Variants in NEK5 observed in about 807,000 individuals in gnomAD.
NEK5 encodes serine/threonine-protein kinase Nek5.
NEK5 carries 88 observed loss-of-function variants against 109.2 expected under a neutral mutation model. That is an observed-to-expected ratio of 0.81 (90% CI 0.68 to 0.96). NEK5 has a LOEUF of 0.96. Among genes scored for constraint, NEK5 ranks in the 40% least tolerant of loss-of-function variants. The pLI is 0.00. For missense variants in NEK5, 834 were observed against 920.7 expected, an observed-to-expected ratio of 0.91 and a Z score of 1.22; for synonymous variants, 283 against 299.9, an observed-to-expected ratio of 0.94 and a Z score of 0.58.
At chr13:52,066,803 C>CAA (rs60602057) in intron 20 of NEK5, among the ~76,000 whole-genome samples, 31 of 110,314 alleles carry the variant, frequency 2.8e-4, no homozygotes, top group Non-Finnish European at 3.8e-4. Context: ...GACGCTGTCT[C>CAA]AAAAAAAAAA....
chr13:52,113,973 A>C (rs1416857511), intron 4 of NEK5, among the ~76,000 whole-genome samples: 1 of 152,236 alleles, frequency 6.6e-6, no homozygotes, highest in Non-Finnish European at 1.5e-5. Context: ...CCCAGCCTCC[A>C]GAACTGCCAG....
intron 4 of NEK5, among the ~76,000 whole-genome samples, chr13:52,115,835 T>C (rs1037342207): frequency 4.6e-5 from 7 of 152,112 alleles, no homozygotes; most frequent in East Asian, 1.9e-4. Context: ...AATTCCAACA[T>C]TTATTAAACA....
At chr13:52,091,403 T>C (rs945002037) in intron 13 of NEK5, among the ~76,000 whole-genome samples, 5 of 152,160 alleles carry the variant, frequency 3.3e-5, no homozygotes, top group African/African-American at 4.8e-5. Flanking sequence ...CTTTTGATAA[T>C]TGTGGAGATA....
intron 23 of NEK5, among the ~76,000 whole-genome samples, chr13:52,037,696 G>A (rs1954373499): frequency 6.6e-6 from 1 of 152,186 alleles, no homozygotes; most frequent in Non-Finnish European, 1.5e-5. Context: ...GGCCGAGGCG[G>A]GCGGATCACG....
intron 15 of NEK5, among the ~76,000 whole-genome samples, chr13:52,086,766 C>T (rs1021633211): frequency 2.6e-5 from 4 of 152,116 alleles, no homozygotes; most frequent in African/African-American, 9.7e-5. Context: ...GAGATCATAC[C>T]AGTGGGCCCT....
chr13:52,056,897 C>T (rs2137718317), intron 22 of NEK5, among the ~76,000 whole-genome samples: 1 of 152,046 alleles, frequency 6.6e-6, no homozygotes, highest in South Asian at 2.1e-4. Context: ...ACTAGAAAAG[C>T]AAGAGCAAAC....
At chr13:52,041,728 C>CAAAAAA (rs60216367) in intron 23 of NEK5, among the ~76,000 whole-genome samples, 16 of 48,102 alleles carry the variant, frequency 3.3e-4, no homozygotes, top group African/African-American at 5.8e-4. Context: ...AACTCTGTCT[C>CAAAAAA]AAAAAAAAAA....
chr13:52,034,153 GGCTA>G lies in NEK5; in HGVS notation c.*2791_*2794del, dbSNP rs1237111576. 1 of 152,122 alleles carries G rather than the reference GGCTA, an allele frequency of 6.6e-6. No homozygotes were observed. Among genetic ancestry groups the G allele is most frequent in the Non-Finnish European group, 1.5e-5 (1 of 68,040 alleles). The allele number at this position is 152,122 out of a possible 1,614,324, so 9.4% of individuals were successfully genotyped here. A position where few individuals can be genotyped will look rare whatever the true frequency, so the allele number is the denominator to read the frequency against. ...GATCAATTTGATAGCTATCATACAT[GGCTA>G]GCAAGACACTGATTTTTCTAATAAA... On this transcript the variant is annotated 3_prime_UTR_variant, in exon 24 of 24. Coordinates refer to ENST00000684899, the MANE Select transcript of NEK5 (RefSeq NM_001365552.1).
intron 12 of NEK5, among the ~76,000 whole-genome samples, chr13:52,098,186 C>T (rs1034784510): frequency 6.6e-6 from 1 of 152,056 alleles, no homozygotes; most frequent in Non-Finnish European, 1.5e-5. Flanking sequence ...TGAGAACAGA[C>T]TAATACATCC....
chr13:52,095,818 G>A (rs1315701507), intron 12 of NEK5, among the ~76,000 whole-genome samples: 5 of 152,294 alleles, frequency 3.3e-5, no homozygotes, highest in Admixed American at 6.5e-5. Context: ...CTGGGAGGTC[G>A]AGTGATATGC....
chr13:52,064,264 G>A (rs1421007294), intron 21 of NEK5, among the ~76,000 whole-genome samples: 9 of 142,014 alleles, frequency 6.3e-5, no homozygotes, highest in African/African-American at 1.3e-4. Context: ...CGCCCCGTCC[G>A]GGAGGTGAGG....
intron 1 of NEK5, among the ~76,000 whole-genome samples, chr13:52,128,307 C>A (rs1956108349): frequency 6.6e-6 from 1 of 152,076 alleles, no homozygotes; most frequent in Admixed American, 6.6e-5. Context: ...CTTCACTGGC[C>A]ACGCTGCTCC....
chr13:52,125,004 C>T (rs904618300), intron 3 of NEK5, among the ~76,000 whole-genome samples: 25 of 152,154 alleles, frequency 1.6e-4, no homozygotes, highest in Non-Finnish European at 3.1e-4. Context: ...AGCTCACAAA[C>T]GATCCCAAGG....
chr13:52,076,285 G>A (rs1954867827), intron 17 of NEK5, 142 bp from the exon 18 acceptor site: 2 of 537,288 alleles, frequency 3.7e-6, no homozygotes, highest in Non-Finnish European at 3.3e-6. Context: ...AACTTGGGCA[G>A]AGTATCCATT....
intron 4 of NEK5, among the ~76,000 whole-genome samples, chr13:52,115,601 CAAAAAAAAAAAA>C (rs71088014): frequency 6.1e-5 from 3 of 49,188 alleles, no homozygotes; most frequent in Non-Finnish European, 9.8e-5. Context: ...GAGACTCCGT[CAAAAAAAAAAAA>C]AAAAAAAAAA....
chr13:52,102,336 C>A, intron 9 of NEK5, 44 bp from the exon 10 acceptor site: 1 of 1,420,896 alleles, frequency 7.0e-7, no homozygotes, highest in Non-Finnish European at 9.9e-7. Context: ...AGAAAAGTTA[C>A]TAAAGTAACA....
intron 19 of NEK5, among the ~76,000 whole-genome samples, chr13:52,075,103 C>T (rs970436642): frequency 2.6e-5 from 4 of 152,154 alleles, no homozygotes; most frequent in Admixed American, 6.5e-5. Context: ...CTGTTCAACC[C>T]AGCAATCCCA....
intron 17 of NEK5, among the ~76,000 whole-genome samples, chr13:52,079,722 C>G (rs1369448965): frequency 6.6e-6 from 1 of 152,076 alleles, no homozygotes; most frequent in Non-Finnish European, 1.5e-5. Flanking sequence ...CGGCCGCCAC[C>G]CCGTCTGGGA....
intron 23 of NEK5, among the ~76,000 whole-genome samples, chr13:52,043,914 T>C (rs948424357): frequency 6.6e-6 from 1 of 152,058 alleles, no homozygotes; most frequent in African/African-American, 2.4e-5. Context: ...TTATACAGAG[T>C]GTCAACTTGA....
Sources: gnomAD v4.1 joint callset for allele counts (sites outside exome capture counted in the v4.1 genomes callset) on GRCh38, gnomAD v4.1.1 for gene constraint, MANE v1.5 for transcripts, NCBI Gene and HGNC (gene_info 2026-07-23, HGNC 2026-07-21) for gene names.